MAP4: variants seen among roughly 807,000 people sequenced by gnomAD.
MAP4 encodes microtubule-associated protein 4.
A neutral mutation model predicts 170.2 loss-of-function variants in MAP4; 76 were observed. The ratio of observed to expected loss-of-function variants is 0.45; its 90% CI spans 0.37 to 0.54. The LOEUF (loss-of-function observed/expected upper bound fraction) is 0.54. MAP4 is among the 20% of genes least tolerant of loss of function. The pLI is 0.00. For synonymous variants in MAP4, 909 were observed against 994.5 expected, an observed-to-expected ratio of 0.91 and a Z score of 1.62; for missense variants, 2,506 against 2,748.0, an observed-to-expected ratio of 0.91 and a Z score of 1.97.
intron 10 of MAP4, among the ~76,000 whole-genome samples, chr3:47,890,084 G>A (rs2098301305): frequency 6.6e-6 from 1 of 152,014 alleles, no homozygotes; most frequent in African/African-American, 2.4e-5. Flanking sequence ...CAGGAAACAA[G>A]ACTATTTTTT....
rs747139587 is a variant in MAP4, at chr3:47,909,170, T to C, written c.5251A>G (p.Lys1751Glu). The change falls in exon 9 of 21, where the codon AAG becomes GAG. Residue 1751 changes from lysine (K) to glutamate (E), a missense_variant. By Grantham distance (56) the Lys-to-Glu change is moderately conservative. Coordinates refer to ENST00000683076, the MANE Select transcript of MAP4 (RefSeq NM_001385682.1). ...TCTGCCATTCTGCTTTTATCTTCCT[T>C]TTTCCCTTCTCCTGGTGTCTTTGAT... ...SESKTPGEGK[K>E]EDKSRMAEPM... 3.1e-6 allele frequency: 5 copies of C among 1,613,894 alleles called. No individual in the cohort carries two copies.
chr3:47,909,313 G>A lies in MAP4; in HGVS notation c.5108C>T (p.Ala1703Val), dbSNP rs1322684400. The A allele has an allele frequency of 6.2e-6, 10 of 1,613,818 alleles. No homozygotes were observed. Among genetic ancestry groups the A allele is most frequent in the Non-Finnish European group, 8.5e-6 (10 of 1,179,878 alleles). Residue 1703 changes from alanine to valine, a missense_variant, in exon 9 of 21, where the codon GCT (alanine) becomes GTT (valine). Physicochemically the swap from Ala to Val is moderately conservative, Grantham distance 64. Transcript: ENST00000683076. ...CGTATCCGCCACCTCTGAAGGAGGA[G>A]CTTCGACTTTGCTATGTAAGAAATC... is the stretch of plus-strand genomic sequence containing the variant. ...QSDFLHSKVE[A>V]PPSEVADTLV...
rs574296673 is a variant in MAP4, at chr3:48,016,403, A to G, written c.-89T>C. ...TTTGGATCAGGCACCTGCCTTCAACATTTCTGTCCAAATGAATTTCAATCT... is the reference window on the plus strand; with the variant it reads ...TTTGGATCAGGCACCTGCCTTCAACGTTTCTGTCCAAATGAATTTCAATCT... On this transcript the variant is annotated 5_prime_UTR_variant, in exon 1 of 21. It removes an upstream start codon present in the reference 5' UTR. Transcript: ENST00000683076. 1.3e-5 allele frequency: 2 copies of G among 152,280 alleles called. No individual in the cohort carries two copies. Among genetic ancestry groups the G allele is most frequent in the African/African-American group, 4.8e-5 (2 of 41,564 alleles). 9.4% of individuals were successfully genotyped at this position (152,280 alleles called of 1,614,324 possible).
At position 47,912,367 on chromosome 3, in the gene MAP4, G is replaced by A; in HGVS notation, c.2054C>T (p.Pro685Leu). 1 of 1,533,552 alleles carries A rather than the reference G, an allele frequency of 6.5e-7. No homozygotes were observed. Among genetic ancestry groups the A allele is most frequent in the South Asian group, 1.2e-5 (1 of 83,958 alleles). 95.0% of individuals were successfully genotyped at this position (1,533,552 alleles called of 1,614,324 possible). Residue 685 changes from proline (P) to leucine (L), a missense_variant, in exon 9 of 21, where the codon CCC becomes CTC. Physicochemically the swap from Pro to Leu is moderately conservative, Grantham distance 98 (BLOSUM62 -3). This residue lies in a region of MAP4 where 2,008 missense variants were observed against 2,206.0 expected (regional missense o/e 0.91). Coordinates refer to ENST00000683076, the MANE Select transcript of MAP4 (RefSeq NM_001385682.1). Reference protein sequence around the residue: ...PPTQAKQVCRPSDRRSTRPKP... With the variant: ...PPTQAKQVCRLSDRRSTRPKP... ...GGGCCGGGTTGACCTGCGGTCACTG[G>A]GTCTGCAAACTTGTTTGGCTTGTGT...
intron 12 of MAP4, among the ~76,000 whole-genome samples, chr3:47,874,338 G>A (rs537205547): frequency 3.6e-4 from 54 of 152,080 alleles, no homozygotes; most frequent in African/African-American, 1.2e-3. Context: ...GCGTGGTGGC[G>A]GGTGCCTGTA....
At chr3:47,922,151 G>A (rs537255432) in intron 4 of MAP4, among the ~76,000 whole-genome samples, 27 of 152,024 alleles carry the variant, frequency 1.8e-4, no homozygotes, top group South Asian at 6.2e-4. Flanking sequence ...GTTTCTCCAC[G>A]TTGGCCAGGC....
chr3:48,000,130 G>A (rs562100626), intron 1 of MAP4, among the ~76,000 whole-genome samples: 22 of 146,376 alleles, frequency 1.5e-4, no homozygotes, highest in African/African-American at 5.4e-4. Flanking sequence ...TACGAGAATC[G>A]CTTGAACCCG....
In MAP4 at chr3:47,855,460, G is replaced by A. The variant is rs763317332; in HGVS notation, c.6584-100C>T. 5 of 769,758 alleles carry A rather than the reference G, an allele frequency of 6.5e-6. No individual in the cohort carries two copies. The highest frequency in any genetic ancestry group is 4.4e-5 in the South Asian group (3 of 68,318). 47.7% of individuals were successfully genotyped at this position (769,758 alleles called of 1,614,324 possible). A position where few individuals can be genotyped will look rare whatever the true frequency, so the allele number is the denominator to read the frequency against. On this transcript the variant is annotated intron_variant, in intron 18 of 20. Coordinates refer to ENST00000683076, the MANE Select transcript of MAP4 (RefSeq NM_001385682.1). This position sits in a 1 kb window ranked among gnomAD's most constrained non-coding sequence, Gnocchi z 5.1. ...TGCCCAATCTAGAAATGAGACAGAC[G>A]TGACCTGTTCTGGGTGGCAAATGAA...
At chr3:48,055,414 C>G (rs1026226198) in intron 1 of MAP4, among the ~76,000 whole-genome samples, 1 of 151,824 alleles carries the variant, frequency 6.6e-6, no homozygotes, top group Non-Finnish European at 1.5e-5. Context: ...CTGTGTTGGC[C>G]GGGCCGGTCT....
At chr3:47,903,835 T>A (rs775871161) in intron 9 of MAP4, among the ~76,000 whole-genome samples, 11 of 152,172 alleles carry the variant, frequency 7.2e-5, no homozygotes, top group Non-Finnish European at 1.2e-4. Flanking sequence ...CTAGGCTGGG[T>A]GTTAAAAAGT....
intron 5 of MAP4, among the ~76,000 whole-genome samples, 168 bp from the exon 6 acceptor site, chr3:47,919,009 G>T (rs918645892): frequency 1.3e-4 from 20 of 151,876 alleles, no homozygotes; most frequent in African/African-American, 4.8e-4. Flanking sequence ...TCGGCTCACT[G>T]CAAGCTCCGC....
Position 47,909,667 on chromosome 3 carries a change from C to T in MAP4, c.4754G>A (p.Ser1585Asn). 2 of 1,613,974 alleles carry T rather than the reference C, an allele frequency of 1.2e-6. No individual in the cohort carries two copies. Among genetic ancestry groups the T allele is most frequent in the Non-Finnish European group, 1.7e-6 (2 of 1,179,886 alleles). ...TAGGGCTCTGGCCTCTCCTGGTAGGCTCTGGTCTTCTACTGGCACTCCAGG... is the reference window on the plus strand; with the variant it reads ...TAGGGCTCTGGCCTCTCCTGGTAGGTTCTGGTCTTCTACTGGCACTCCAGG... ...LLPGVPVEDQ[S>N]LPGEARALEG... The change falls in exon 9 of 21, where the codon AGC becomes AAC. Residue 1585 changes from serine (S) to asparagine (N), a missense_variant. Physicochemically the swap from Ser to Asn is conservative, Grantham distance 46. Around this residue, in one of 3 missense-constraint regions of MAP4, gnomAD observed 2,008 missense variants for 2,206.0 expected, o/e 0.91. Transcript: ENST00000683076.
At chr3:47,914,584 A>C (rs1408099962) in intron 8 of MAP4, among the ~76,000 whole-genome samples, 1 of 151,984 alleles carries the variant, frequency 6.6e-6, no homozygotes, top group Non-Finnish European at 1.5e-5. Flanking sequence ...ACAACAAAAA[A>C]AACAGTGGAG....
chr3:47,998,994 C>G, intron 1 of MAP4, 115 bp from the exon 2 acceptor site: 1 of 671,190 alleles, frequency 1.5e-6, no homozygotes, highest in Non-Finnish European at 2.6e-6. Flanking sequence ...TAAGATTTTA[C>G]AGCTAGAAGA....
chr3:48,065,841 G>A (rs1227565276), intron 1 of MAP4, among the ~76,000 whole-genome samples: 3 of 152,112 alleles, frequency 2.0e-5, no homozygotes, highest in South Asian at 2.1e-4. Context: ...GTTCAAGGCT[G>A]GACAGGGTGG....
At chr3:48,058,224 T>C (rs2100133295) in intron 1 of MAP4, among the ~76,000 whole-genome samples, 1 of 152,236 alleles carries the variant, frequency 6.6e-6, no homozygotes, top group South Asian at 2.1e-4. Flanking sequence ...GACTCAGTCC[T>C]AGACTACAAT....
intron 3 of MAP4, among the ~76,000 whole-genome samples, chr3:47,954,938 G>A (rs1470611216): frequency 1.3e-5 from 2 of 152,018 alleles, no homozygotes; most frequent in African/African-American, 4.8e-5. Context: ...TAATAGTAAG[G>A]GCTAAATGGA....
chr3:48,060,348 TA>T (rs551530992), intron 1 of MAP4, among the ~76,000 whole-genome samples: 41 of 150,390 alleles, frequency 2.7e-4, no homozygotes, highest in East Asian at 1.4e-3. Context: ...GATGGATCAT[TA>T]AAAAAAAATG....
intron 17 of MAP4, among the ~76,000 whole-genome samples, chr3:47,863,662 T>G (rs755696977): frequency 6.6e-5 from 10 of 151,810 alleles, no homozygotes; most frequent in African/African-American, 2.4e-4. Flanking sequence ...CCACTACACA[T>G]GCACAGCCCC....
Sources: gnomAD v4.1 joint callset for allele counts (sites outside exome capture counted in the v4.1 genomes callset) on GRCh38, gnomAD v4.1.1 for gene constraint, gnomAD v4.1.1 regional missense constraint, Gnocchi (gnomAD v3.1) non-coding constraint, MANE v1.5 for transcripts, NCBI Gene and HGNC (gene_info 2026-07-23, HGNC 2026-07-21) for gene names.